LRRFIP1: variants seen among roughly 807,000 people sequenced by gnomAD.
LRRFIP1 encodes the protein LRR binding FLII interacting protein 1.
In LRRFIP1, 62 loss-of-function variants were observed where a neutral mutation model predicts 104.4. The ratio of observed to expected loss-of-function variants is 0.59; its 90% CI spans 0.48 to 0.73. LRRFIP1 has a LOEUF of 0.73. Ranked by LOEUF, LRRFIP1 falls within the 30% of genes least tolerant of loss-of-function variation. The pLI is 0.00. For missense variants in LRRFIP1, 796 were observed against 824.5 expected (o/e 0.97, Z 0.42); for synonymous variants, 300 against 299.0 (o/e 1.00, Z -0.03).
intron 11 of LRRFIP1, among the ~76,000 whole-genome samples, chr2:237,743,782 C>G (rs750332918): frequency 6.6e-6 from 1 of 152,046 alleles, no homozygotes; most frequent in Non-Finnish European, 1.5e-5. Context: ...AAAGGTGCCT[C>G]GAGAGAGCTG....
intron 1 of LRRFIP1, among the ~76,000 whole-genome samples, chr2:237,668,842 A>G (rs2089923174): frequency 6.6e-6 from 1 of 152,230 alleles, no homozygotes; most frequent in African/African-American, 2.4e-5. Flanking sequence ...GAAAAATAAT[A>G]AGGAAAATTC....
At chr2:237,674,324 G>A (rs1034317951) in intron 1 of LRRFIP1, among the ~76,000 whole-genome samples, 1 of 152,212 alleles carries the variant, frequency 6.6e-6, no homozygotes, top group Admixed American at 6.5e-5. Flanking sequence ...AGATGAGCAG[G>A]GGCAAGGACG....
At chr2:237,683,455 C>T (rs1320565874) in intron 1 of LRRFIP1, 1 of 152,238 alleles carries the variant, frequency 6.6e-6, no homozygotes, top group Non-Finnish European at 1.5e-5. Flanking sequence ...GCGTTCCTCA[C>T]ACTCCCCCTG....
intron 19 of LRRFIP1, chr2:237,765,089 C>G (rs566473547): frequency 2.1e-6 from 1 of 487,074 alleles, no homozygotes; most frequent in African/African-American, 2.1e-5. Context: ...TGGTGAAACC[C>G]TGTCTCTACT....
At chr2:237,733,852 C>A in intron 9 of LRRFIP1, 34 bp downstream of exon 9, 1 of 1,612,484 alleles carries the variant, frequency 6.2e-7, no homozygotes, top group East Asian at 2.2e-5. Context: ...GCCCCGCACC[C>A]CCTCCCACTG....
At chr2:237,724,711 C>T (rs771469372) in intron 7 of LRRFIP1, among the ~76,000 whole-genome samples, 1 of 152,030 alleles carries the variant, frequency 6.6e-6, no homozygotes, top group South Asian at 2.1e-4. Context: ...TAGATTATTA[C>T]TCTTTTTATG....
Position 237,710,229 on chromosome 2 carries a change from T to TAGAATGTGTCTGTTCATACAGACACA in LRRFIP1, c.183+1600_183+1625dup, listed in dbSNP as rs1277075734. Among the ~76,000 whole-genome samples, 5 of 152,318 alleles carry TAGAATGTGTCTGTTCATACAGACACA rather than the reference T, an allele frequency of 3.3e-5. No individual in the cohort carries two copies. The East Asian group carries it at 7.7e-4, about 23-fold the overall frequency. On this transcript the variant is annotated intron_variant, in intron 2 of 23. Transcript: ENST00000308482. ...ACACTGCCCAGTATCAGTGTCTCTG[T>TAGAATGTGTCTGTTCATACAGACACA]AGAATGTGTCTGTTCATACAGACAC...
chr2:237,654,898 A>G (rs910100722), intron 1 of LRRFIP1, among the ~76,000 whole-genome samples: 1 of 152,078 alleles, frequency 6.6e-6, no homozygotes, highest in African/African-American at 2.4e-5. Context: ...ACTATTCACA[A>G]TAACCAAGAT....
intron 2 of LRRFIP1, among the ~76,000 whole-genome samples, chr2:237,712,745 G>A (rs546961293): frequency 1.2e-4 from 18 of 152,280 alleles, no homozygotes; most frequent in South Asian, 2.1e-4. Flanking sequence ...GAGCTTGCAC[G>A]TCTTCGGGCC....
At chr2:237,681,195 G>A (rs1234621169) in intron 1 of LRRFIP1, among the ~76,000 whole-genome samples, 1 of 152,086 alleles carries the variant, frequency 6.6e-6, no homozygotes, top group African/African-American at 2.4e-5. Flanking sequence ...CCTGAATAAA[G>A]TCCAAGTTCC....
In LRRFIP1 at chr2:237,757,589, C is replaced by T. The variant is rs543467872; in HGVS notation, c.1224+41C>T. The T allele has an allele frequency of 8.8e-5, 126 of 1,439,592 alleles. 1 individual carries two copies. The Middle Eastern group carries it at 1.2e-3, about 14-fold the overall frequency. The allele number at this position is 1,439,592 out of a possible 1,614,324, so 89.2% of individuals were successfully genotyped here. On this transcript the variant is annotated intron_variant, in intron 17 of 23. Coordinates refer to ENST00000308482, the MANE Select transcript of LRRFIP1 (RefSeq NM_001137550.2). ...CTTGAAAATCTACTCAAATGGGCAG[C>T]CTGCTTAGCAAATAGAGTTTTTTCA...
intron 1 of LRRFIP1, among the ~76,000 whole-genome samples, chr2:237,658,821 C>G (rs956829973): frequency 3.3e-5 from 5 of 152,116 alleles, no homozygotes; most frequent in Non-Finnish European, 5.9e-5. Context: ...CTTTGACATG[C>G]GGAGATTATG....
chr2:237,674,679 A>G (rs2090867689), intron 1 of LRRFIP1, among the ~76,000 whole-genome samples: 1 of 152,260 alleles, frequency 6.6e-6, no homozygotes, highest in African/African-American at 2.4e-5. Context: ...CCCGAAACTG[A>G]ATAGGAATAA....
chr2:237,704,989 A>G (rs2093732032), intron 1 of LRRFIP1, among the ~76,000 whole-genome samples: 1 of 152,220 alleles, frequency 6.6e-6, no homozygotes, highest in Non-Finnish European at 1.5e-5. Context: ...AAGGTGGGCC[A>G]TGATGGGAAC....
At chr2:237,740,400 T>C (rs2095379929) in intron 11 of LRRFIP1, among the ~76,000 whole-genome samples, 1 of 151,942 alleles carries the variant, frequency 6.6e-6, no homozygotes, top group Non-Finnish European at 1.5e-5. Flanking sequence ...GACAACAGAG[T>C]GAGACCCTGC....
intron 9 of LRRFIP1, among the ~76,000 whole-genome samples, chr2:237,734,257 T>C (rs1046498393): frequency 1.3e-5 from 2 of 151,680 alleles, no homozygotes; most frequent in African/African-American, 2.4e-5. Flanking sequence ...AGTAGCTATA[T>C]TGTCTTGTTA....
intron 1 of LRRFIP1, among the ~76,000 whole-genome samples, chr2:237,642,400 C>T (rs2084125920): frequency 6.6e-6 from 1 of 152,072 alleles, no homozygotes; most frequent in Non-Finnish European, 1.5e-5. Flanking sequence ...TTCTGGGTTC[C>T]AGGCTCCAGG....
At chr2:237,730,060 G>A (rs369234424) in intron 8 of LRRFIP1, among the ~76,000 whole-genome samples, 18 of 152,272 alleles carry the variant, frequency 1.2e-4, no homozygotes, top group South Asian at 2.1e-4. Flanking sequence ...ACACCAGCTC[G>A]AATGTGAATT....
intron 1 of LRRFIP1, among the ~76,000 whole-genome samples, chr2:237,643,637 G>A (rs2084389237): frequency 6.6e-6 from 1 of 152,216 alleles, no homozygotes. Context: ...GCCTGGCCAG[G>A]GCCCCCAGCC....
Sources: gnomAD v4.1 joint callset for allele counts (sites outside exome capture counted in the v4.1 genomes callset) on GRCh38, gnomAD v4.1.1 for gene constraint, MANE v1.5 for transcripts, NCBI Gene and HGNC (gene_info 2026-07-23, HGNC 2026-07-21) for gene names.